KTN1: variants seen among roughly 807,000 people sequenced by gnomAD.
KTN1 encodes kinectin 1, also known as kinectin.
In KTN1, 130 loss-of-function variants were observed where a neutral mutation model predicts 222.5. The ratio of observed to expected loss-of-function variants is 0.58; its 90% confidence interval spans 0.51 to 0.68. KTN1 has a LOEUF of 0.68. Among genes scored for constraint, KTN1 ranks in the 30% least tolerant of loss-of-function variants. KTN1 has a pLI of 0.00. For missense variants in KTN1, 1,508 were observed against 1,500.4 expected (o/e 1.01, Z -0.08); for synonymous variants, 512 against 496.3 (o/e 1.03, Z -0.42).
chr14:55,673,489 T>C (rs2045627157), intron 40 of KTN1: 1 of 323,476 alleles, frequency 3.1e-6, no homozygotes, highest in Non-Finnish European at 5.6e-6. Flanking sequence ...CTTCCAACTC[T>C]TTTTCAAAAT....
rs769581249 is a variant in KTN1 at position 55,641,697 on chromosome 14, A to G, written c.2109A>G (p.Leu703=). ...ISNKMEEFKI[L]NDQNKALKSE... is the part of the protein sequence containing the mutation. ...ATTGAGACTCTTTCTTCCAGATTCT[A>G]AATGACCAAAACAAAGCATTAAAAT... The change falls in exon 18 of 44, where the codon CTA becomes CTG. Residue 703 remains leucine (L), a synonymous_variant. Coordinates refer to ENST00000395314, the MANE Select transcript of KTN1 (RefSeq NM_001079521.2). The G allele has an allele frequency of 2.3e-5, 37 of 1,589,570 alleles. No homozygotes were observed. Among genetic ancestry groups the G allele is most frequent in the Non-Finnish European group, 2.9e-5 (33 of 1,157,880 alleles).
At chr14:55,666,595 T>C (rs577812956) in intron 33 of KTN1, among the ~76,000 whole-genome samples, 19 of 152,120 alleles carry the variant, frequency 1.2e-4, no homozygotes, top group Middle Eastern at 3.4e-3. Context: ...TTTGTAAATT[T>C]ATAGCAGAGT....
At chr14:55,646,618 C>A (rs909709094) in intron 18 of KTN1, among the ~76,000 whole-genome samples, 1 of 147,250 alleles carries the variant, frequency 6.8e-6, no homozygotes, top group Admixed American at 6.9e-5. Context: ...TTTGGACTTG[C>A]GAGGTCTTAG....
chr14:55,663,751 A>T (rs2044397053), intron 32 of KTN1: 1 of 505,390 alleles, frequency 2.0e-6, no homozygotes, highest in Non-Finnish European at 3.5e-6. Context: ...TATATATACT[A>T]AAACATGGAA....
chr14:55,602,742 T>C (rs1255121441), intron 1 of KTN1, among the ~76,000 whole-genome samples: 1 of 152,042 alleles, frequency 6.6e-6, no homozygotes. Context: ...CCACCACGTC[T>C]AGCTAATTTT....
intron 20 of KTN1, among the ~76,000 whole-genome samples, 170 bp from the exon 21 acceptor site, chr14:55,648,632 G>GTTACAGAATTATAGACA (rs769224402): frequency 6.6e-6 from 1 of 152,130 alleles, no homozygotes; most frequent in Non-Finnish European, 1.5e-5. Context: ...AGCTATAGAA[G>GTTACAGAATTATAGACA]TTACAGAATT....
chr14:55,659,249 A>G (rs1262211114), intron 30 of KTN1, among the ~76,000 whole-genome samples: 1 of 152,066 alleles, frequency 6.6e-6, no homozygotes, highest in Non-Finnish European at 1.5e-5. Context: ...GTTGATGTAT[A>G]AATAACTTTG....
Position 55,678,889 on chromosome 14 carries a change from C to T in KTN1, c.3948+445C>T, listed in dbSNP as rs116887457. 1,231 of 159,616 alleles carry T rather than the reference C, an allele frequency of 7.7e-3. 33 individuals are homozygous for T. The highest frequency in any genetic ancestry group is 0.074 in the East Asian group (409 of 5,524). 9.9% of individuals were successfully genotyped at this position (159,616 alleles called of 1,614,324 possible). On this transcript the variant is annotated intron_variant, in intron 42 of 43. Transcript: ENST00000395314. Reference sequence around the variant, plus strand: ...GGAACAGTTTCATCCTGAAACCATCCCCGCACTCACCCATCTGTGGAAAAA... The same window carrying T: ...GGAACAGTTTCATCCTGAAACCATCTCCGCACTCACCCATCTGTGGAAAAA...
intron 42 of KTN1, 151 bp from the exon 43 acceptor site, chr14:55,679,414 T>C: frequency 3.1e-6 from 2 of 640,328 alleles, no homozygotes; most frequent in Non-Finnish European, 5.3e-6. Context: ...AGTATTTCTC[T>C]ATGTGGTTTT....
chr14:55,613,328 A>G (rs1255470174), intron 2 of KTN1, among the ~76,000 whole-genome samples: 2 of 151,824 alleles, frequency 1.3e-5, no homozygotes, highest in Non-Finnish European at 2.9e-5. Flanking sequence ...GTGGATGGGG[A>G]GGGGAGGGAG....
At chr14:55,672,050 C>A (rs2045500020) in intron 37 of KTN1, 173 bp downstream of exon 37, 7 of 551,114 alleles carry the variant, frequency 1.3e-5, no homozygotes, top group South Asian at 2.7e-5. Flanking sequence ...TAGTCTAATG[C>A]CCACCCAAGT....
At chr14:55,612,619 CTTGGAA>C in intron 2 of KTN1, 48 bp downstream of exon 2, 1 of 1,454,650 alleles carries the variant, frequency 6.9e-7, no homozygotes, top group South Asian at 1.4e-5. Flanking sequence ...TGATTTGGAG[CTTGGAA>C]TTGAGATATT....
At chr14:55,678,190 T>C (rs2046046156) in intron 41 of KTN1, among the ~76,000 whole-genome samples, 162 bp from the exon 42 acceptor site, 2 of 152,222 alleles carry the variant, frequency 1.3e-5, no homozygotes, top group African/African-American at 4.8e-5. Flanking sequence ...ACATATGTTC[T>C]TATAATCTGG....
intron 33 of KTN1, among the ~76,000 whole-genome samples, chr14:55,666,368 T>C (rs2044741993): frequency 6.6e-6 from 1 of 151,950 alleles, no homozygotes; most frequent in Non-Finnish European, 1.5e-5. Context: ...TTGTGACTGT[T>C]GTTTTTAGAT....
intron 5 of KTN1, among the ~76,000 whole-genome samples, chr14:55,627,414 A>G (rs537141549): frequency 1.3e-3 from 191 of 152,038 alleles, no homozygotes; most frequent in African/African-American, 4.4e-3. Context: ...CTTCATTTTC[A>G]TAATTTTTTT....
rs140123790 is a variant in KTN1 at position 55,597,349 on chromosome 14, G to C, written c.-30-14670G>C. Among the ~76,000 whole-genome samples, 178 of 152,326 alleles carry C rather than the reference G, an allele frequency of 1.2e-3. 2 individuals are homozygous for C. In the East Asian group the frequency reaches 0.021, roughly 18 times the overall value. ...GAGAATGATAAACACATAAGATTGT[G>C]AATGTATTAAAGCAAATGCCTCTTA... On this transcript the variant is annotated intron_variant, in intron 1 of 43. Coordinates refer to ENST00000395314, the MANE Select transcript of KTN1 (RefSeq NM_001079521.2).
intron 15 of KTN1, 53 bp from the exon 16 acceptor site, chr14:55,640,880 G>A: frequency 6.7e-7 from 1 of 1,490,978 alleles, no homozygotes; most frequent in African/African-American, 1.4e-5. Context: ...GAAAAAAATA[G>A]TTTTGAGCAC....
chr14:55,631,901 C>A (rs61976631), intron 7 of KTN1, among the ~76,000 whole-genome samples: 4,795 of 152,234 alleles, frequency 0.031, 95 homozygotes, highest in Non-Finnish European at 0.051. Context: ...TTGTCATTTT[C>A]ATTCCGTCTT....
At chr14:55,639,450 CAA>C (rs1217269048) in intron 13 of KTN1, among the ~76,000 whole-genome samples, 3 of 144,562 alleles carry the variant, frequency 2.1e-5, no homozygotes, top group African/African-American at 5.1e-5. Flanking sequence ...TTTATTATAA[CAA>C]GAGTTGGGGA....
Sources: allele counts gnomAD v4.1 joint callset (sites outside exome capture counted in the v4.1 genomes callset), GRCh38; gene constraint gnomAD v4.1.1; transcripts MANE v1.5; gene names NCBI Gene and HGNC (gene_info 2026-07-23, HGNC 2026-07-21).